OPCML: variants seen among roughly 807,000 people sequenced by gnomAD.
OPCML encodes the protein opioid-binding protein/cell adhesion molecule.
OPCML carries 13 observed loss-of-function variants against 37.8 expected under a neutral mutation model. The ratio of observed to expected loss-of-function variants is 0.34; its 90% confidence interval spans 0.22 to 0.55. OPCML has a LOEUF of 0.55. Among genes scored for constraint, OPCML ranks in the 20% least tolerant of loss-of-function variants. OPCML has a pLI of 0.91. For synonymous variants in OPCML, 176 were observed against 168.8 expected (o/e 1.04, Z -0.33); for missense variants, 341 against 435.6 (o/e 0.78, Z 1.93).
chr11:132,554,624 C>A (rs1383154838), intron 3 of OPCML, among the ~76,000 whole-genome samples: 1 of 152,150 alleles, frequency 6.6e-6, no homozygotes, highest in African/African-American at 2.4e-5. Context: ...GGTGTCTCAG[C>A]TCATGGTGCC....
intron 2 of OPCML, among the ~76,000 whole-genome samples, chr11:132,903,233 A>C (rs1271265771): frequency 6.6e-6 from 1 of 152,206 alleles, no homozygotes; most frequent in Non-Finnish European, 1.5e-5. Flanking sequence ...AAGAGGGCAG[A>C]AGGGAAGCTT....
At chr11:132,881,972 T>C (rs544020592) in intron 2 of OPCML, among the ~76,000 whole-genome samples, 160 of 152,340 alleles carry the variant, frequency 1.1e-3, no homozygotes, top group African/African-American at 3.7e-3. Flanking sequence ...AATTAGTACA[T>C]TTCACTGCCA....
chr11:132,524,711 T>C (rs1215127582), intron 4 of OPCML, among the ~76,000 whole-genome samples: 1 of 152,130 alleles, frequency 6.6e-6, no homozygotes, highest in East Asian at 1.9e-4. Context: ...GGAATCCTGG[T>C]ACACTTTAAG....
chr11:133,041,830 G>A (rs1023786599), intron 1 of OPCML, among the ~76,000 whole-genome samples: 1 of 152,104 alleles, frequency 6.6e-6, no homozygotes, highest in East Asian at 1.9e-4. Context: ...TCTTCTTCGG[G>A]CCCCTCCAGT....
At chr11:132,798,798 T>A (rs964000106) in intron 2 of OPCML, among the ~76,000 whole-genome samples, 45 of 152,230 alleles carry the variant, frequency 3.0e-4, no homozygotes, top group African/African-American at 1.1e-3. Flanking sequence ...GCAGAATGGG[T>A]GTTTTGTTAA....
intron 1 of OPCML, among the ~76,000 whole-genome samples, chr11:133,249,752 C>T (rs1297282931): frequency 6.6e-6 from 1 of 152,218 alleles, no homozygotes; most frequent in Non-Finnish European, 1.5e-5. Flanking sequence ...AGTAGCAATT[C>T]CATCAGCATT....
intron 1 of OPCML, among the ~76,000 whole-genome samples, chr11:133,282,635 G>A (rs911324166): frequency 6.6e-6 from 1 of 152,118 alleles, no homozygotes; most frequent in East Asian, 1.9e-4. Context: ...GTGGGAAGAG[G>A]GCCACCACCC....
chr11:133,062,950 A>C lies in OPCML; in HGVS notation c.62-119940T>G, dbSNP rs147096472. 5.1e-3 allele frequency among the ~76,000 whole-genome samples: 776 copies of C among 152,368 alleles called. 7 individuals carry two copies. Among genetic ancestry groups the C allele is most frequent in the African/African-American group, 0.018 (735 of 41,592 alleles). ...GGGGACTGATCTGAGGTACCTCTGC[A>C]AGACACCACTGTCTGTAAAGACAGC... On this transcript the variant is annotated intron_variant, in intron 1 of 7. Coordinates refer to ENST00000524381, the MANE Select transcript of OPCML (RefSeq NM_001012393.5).
chr11:133,458,721 A>ATATACACACATAGATGCACGTGTGTGTG (rs1946777547), intron 1 of OPCML, among the ~76,000 whole-genome samples: 1 of 117,864 alleles, frequency 8.5e-6, no homozygotes, highest in Non-Finnish European at 1.6e-5. Context: ...ACGTGTGTGT[A>ATATACACACATAGATGCACGTGTGTGTG]TATATACACA....
chr11:133,126,113 G>A (rs917234747), intron 1 of OPCML, among the ~76,000 whole-genome samples: 1 of 150,876 alleles, frequency 6.6e-6, no homozygotes, highest in Non-Finnish European at 1.5e-5. Flanking sequence ...GAGAGAGAGA[G>A]ATTATAGAAA....
At chr11:133,118,259 G>A (rs1949366741) in intron 1 of OPCML, 2 of 985,292 alleles carry the variant, frequency 2.0e-6, no homozygotes, top group African/African-American at 3.5e-5. Flanking sequence ...TCTGTCCTGG[G>A]CTTTGTTCAC....
chr11:132,850,559 T>C (rs1941764334), intron 2 of OPCML, among the ~76,000 whole-genome samples: 1 of 150,650 alleles, frequency 6.6e-6, no homozygotes, highest in Non-Finnish European at 1.5e-5. Context: ...ACACTTTAGT[T>C]CAGATTTAAA....
chr11:133,149,771 CA>C (rs544334450), intron 1 of OPCML, among the ~76,000 whole-genome samples: 1 of 152,228 alleles, frequency 6.6e-6, no homozygotes, highest in Non-Finnish European at 1.5e-5. Context: ...CACATCCCAT[CA>C]GCTCAGTAAT....
At chr11:133,116,805 C>CATATATATATATATATATATATAT (rs1275607238) in intron 1 of OPCML, among the ~76,000 whole-genome samples, 3 of 144,160 alleles carry the variant, frequency 2.1e-5, no homozygotes, top group Non-Finnish European at 4.5e-5. Context: ...TAAAACTATA[C>CATATATATATATATATATATATAT]ATATATATAT....
intron 1 of OPCML, among the ~76,000 whole-genome samples, chr11:133,109,614 A>G (rs924219061): frequency 6.6e-6 from 1 of 152,140 alleles, no homozygotes; most frequent in Non-Finnish European, 1.5e-5. Context: ...TTGTAAGAAA[A>G]GTTCTCCAAG....
chr11:133,278,007 C>T (rs912851410), intron 1 of OPCML, among the ~76,000 whole-genome samples: 34 of 152,242 alleles, frequency 2.2e-4, no homozygotes, highest in African/African-American at 6.7e-4. Context: ...GCCTCAGCAG[C>T]CCTTTTAAAT....
intron 2 of OPCML, among the ~76,000 whole-genome samples, chr11:132,662,126 G>A (rs1388893930): frequency 6.7e-6 from 1 of 150,228 alleles, no homozygotes; most frequent in African/African-American, 2.4e-5. Flanking sequence ...ATGCCTTAAA[G>A]CAGTGGTTTT....
At chr11:132,908,333 C>A (rs1306761163) in intron 2 of OPCML, among the ~76,000 whole-genome samples, 3 of 152,238 alleles carry the variant, frequency 2.0e-5, no homozygotes, top group Non-Finnish European at 4.4e-5. Flanking sequence ...TAGGTACACA[C>A]ACAAACTTGA....
In OPCML at chr11:132,864,552, G is replaced by A. The variant is rs145458176; in HGVS notation, c.146+78374C>T. Among the ~76,000 whole-genome samples the A allele has an allele frequency of 7.2e-5, 11 of 152,316 alleles. No individual in the cohort carries two copies. In the East Asian group the frequency reaches 1.5e-3, roughly 21 times the overall value. On this transcript the variant is annotated intron_variant, in intron 2 of 7. Coordinates refer to ENST00000524381, the MANE Select transcript of OPCML (RefSeq NM_001012393.5). The stretch of plus-strand genomic sequence containing the variant: ...CAAAGAAAAGTACTTTAACTGCAAA[G>A]CAGTATGTAAAAATCAGGTCTAAAA...
Sources: gnomAD v4.1 joint callset for allele counts (sites outside exome capture counted in the v4.1 genomes callset) on GRCh38, gnomAD v4.1.1 for gene constraint, MANE v1.5 for transcripts, NCBI Gene and HGNC (gene_info 2026-07-23, HGNC 2026-07-21) for gene names.